VPS13B: variants seen among roughly 807,000 people sequenced by gnomAD.
VPS13B encodes the protein intermembrane lipid transfer protein VPS13B.
VPS13B carries 285 observed loss-of-function variants against 426.4 expected under a neutral mutation model. That is an observed-to-expected ratio of 0.67 (90% confidence interval 0.61 to 0.74). VPS13B has a LOEUF of 0.74. VPS13B is among the 30% of genes least tolerant of loss of function. VPS13B has a pLI of 0.00. For synonymous variants in VPS13B, 1,676 were observed against 1,676.4 expected, an observed-to-expected ratio of 1.00 and a Z score of 0.01; for missense variants, 4,537 against 4,782.6, an observed-to-expected ratio of 0.95 and a Z score of 1.51.
chr8:99,827,633 T>A (rs1195142054), intron 51 of VPS13B, among the ~76,000 whole-genome samples: 1 of 151,810 alleles, frequency 6.6e-6, no homozygotes, highest in Non-Finnish European at 1.5e-5. Flanking sequence ...AGCTTTTGAA[T>A]TTTTTTGCTC....
chr8:99,646,731 G>A (rs1010944300), intron 34 of VPS13B, among the ~76,000 whole-genome samples: 9 of 152,110 alleles, frequency 5.9e-5, no homozygotes, highest in African/African-American at 2.2e-4. Context: ...GAATGGTTTA[G>A]TACCATCCTT....
intron 15 of VPS13B, among the ~76,000 whole-genome samples, chr8:99,164,864 C>T (rs1190123804): frequency 6.6e-6 from 1 of 152,092 alleles, no homozygotes; most frequent in Admixed American, 6.6e-5. Context: ...TTGACTTTCT[C>T]TTTCTCTCTT....
chr8:99,815,276 A>G (rs1184642657), intron 44 of VPS13B, among the ~76,000 whole-genome samples: 1 of 152,104 alleles, frequency 6.6e-6, no homozygotes, highest in African/African-American at 2.4e-5. Context: ...TACAAAGGCC[A>G]GAGAACCAGG....
intron 43 of VPS13B, among the ~76,000 whole-genome samples, chr8:99,791,813 T>G (rs1689184501): frequency 6.6e-6 from 1 of 151,882 alleles, no homozygotes; most frequent in Non-Finnish European, 1.5e-5. Flanking sequence ...AGCAAGTAAT[T>G]TGCAGGATGA....
intron 19 of VPS13B, among the ~76,000 whole-genome samples, chr8:99,339,449 C>T (rs1232410444): frequency 6.6e-6 from 1 of 152,042 alleles, no homozygotes; most frequent in East Asian, 1.9e-4. Context: ...CATGAGAACT[C>T]ACTCATTATC....
chr8:99,840,718 C>A (rs1259313126), intron 54 of VPS13B, among the ~76,000 whole-genome samples: 1 of 151,942 alleles, frequency 6.6e-6, no homozygotes, highest in Non-Finnish European at 1.5e-5. Context: ...CTTGATGAAC[C>A]AGGACTCAAA....
intron 31 of VPS13B, among the ~76,000 whole-genome samples, chr8:99,561,856 T>G (rs1265901948): frequency 6.6e-6 from 1 of 152,244 alleles, no homozygotes; most frequent in Non-Finnish European, 1.5e-5. Context: ...TTCTGCTTTT[T>G]GGCTACTGTG....
rs1173588514 is a variant in VPS13B at position 99,853,435 on chromosome 8, T to G, written c.10062-16T>G. 1 of 1,613,806 alleles carries G rather than the reference T, an allele frequency of 6.2e-7. No homozygotes were observed. The highest frequency in any genetic ancestry group is 1.3e-5 in the African/African-American group (1 of 74,916). ...GTGAGTGGGGGGACTAATGTTCTTG[T>G]CCCTTTCTCCTCTAGAGCGCCAGAG... is the stretch of plus-strand genomic sequence containing the variant. On this transcript the variant is annotated splice_polypyrimidine_tract_variant and intron_variant, in intron 55 of 61. Transcript: ENST00000357162.
intron 33 of VPS13B, among the ~76,000 whole-genome samples, chr8:99,604,495 G>GTTTTTT (rs767971168): frequency 3.5e-5 from 4 of 115,254 alleles, no homozygotes; most frequent in Admixed American, 9.1e-5. Flanking sequence ...TTTCCTTGGT[G>GTTTTTT]TTTTTTTTTT....
intron 30 of VPS13B, among the ~76,000 whole-genome samples, chr8:99,544,104 A>G (rs1823808035): frequency 1.3e-5 from 2 of 151,260 alleles, no homozygotes; most frequent in South Asian, 4.2e-4. Context: ...AAAATGTGGC[A>G]CATATACACC....
At position 99,115,739 on chromosome 8, in the gene VPS13B, GA is replaced by G. The variant is rs1554622622; in HGVS notation, c.803del (p.Asp268ValfsTer10). 4 of 1,613,210 alleles carry G rather than the reference GA, an allele frequency of 2.5e-6. No individual in the cohort carries two copies. Among genetic ancestry groups the G allele is most frequent in the Non-Finnish European group, 3.4e-6 (4 of 1,179,650 alleles). Reference protein sequence around the residue: ...LVESLKLSITDQQLPMFIRIM... With the variant: ...LVESLKLSITXQQLPMFIRIM... The stretch of plus-strand genomic sequence containing the variant: ...GGAAAGTTTGAAACTTTCTATCACA[GA>G]TCAACAACTGCCTATGTTTATTCGT... On this transcript the variant is annotated frameshift_variant, in exon 7 of 62. Coordinates refer to ENST00000357162, the MANE Select transcript of VPS13B (RefSeq NM_152564.5). LOFTEE classifies it high-confidence loss of function.
At position 99,849,928 on chromosome 8, in the gene VPS13B, C is replaced by T. The variant is rs901101752; in HGVS notation, c.10061+1034C>T. ...TTATCTGTACATACATACATAAGTA[C>T]GCATGTATGTACTTATACATACCTA... On this transcript the variant is annotated intron_variant, in intron 55 of 61. Coordinates refer to ENST00000357162, the MANE Select transcript of VPS13B (RefSeq NM_152564.5). Among the ~76,000 whole-genome samples, 17 of 143,582 alleles carry T rather than the reference C, an allele frequency of 1.2e-4. 1 individual carries two copies. Among genetic ancestry groups the T allele is most frequent in the African/African-American group, 3.6e-4 (13 of 35,968 alleles). The allele number at this position is 143,582 out of a possible 152,430, so 94.2% of individuals were successfully genotyped here.
intron 2 of VPS13B, among the ~76,000 whole-genome samples, chr8:99,019,495 T>A (rs1841784616): frequency 6.6e-6 from 1 of 152,154 alleles, no homozygotes; most frequent in Non-Finnish European, 1.5e-5. Flanking sequence ...CCATCGTGCC[T>A]GGCCCATTTT....
chr8:99,378,855 T>C (rs998795986), intron 19 of VPS13B, among the ~76,000 whole-genome samples: 1 of 152,166 alleles, frequency 6.6e-6, no homozygotes, highest in African/African-American at 2.4e-5. Flanking sequence ...TTTATGGGTG[T>C]CACATAACAA....
At position 99,835,621 on chromosome 8, in the gene VPS13B, T is replaced by C; in HGVS notation, c.9825T>C (p.Ser3275=). 6.2e-7 allele frequency: 1 copy of C among 1,614,168 alleles called. No individual in the cohort carries two copies. Among genetic ancestry groups the C allele is most frequent in the Non-Finnish European group, 8.5e-7 (1 of 1,180,024 alleles). Residue 3275 remains serine, a synonymous_variant, in exon 54 of 62, where the codon AGT becomes AGC. Transcript: ENST00000357162. ...ATGAGCTGTATCATCAGATTTCCAG[T>C]TATCCGGACTGCAAGACCAAAGACT... ...IHHELYHQIS[S]YPDCKTKDLL...
intron 33 of VPS13B, among the ~76,000 whole-genome samples, chr8:99,623,501 T>C (rs1334032329): frequency 6.6e-6 from 1 of 152,216 alleles, no homozygotes; most frequent in Non-Finnish European, 1.5e-5. Context: ...TACTGGTATC[T>C]ACCCAGTGCC....
chr8:99,217,660 C>T (rs1815462374), intron 17 of VPS13B, among the ~76,000 whole-genome samples: 1 of 152,084 alleles, frequency 6.6e-6, no homozygotes, highest in Non-Finnish European at 1.5e-5. Context: ...CGTATATGAA[C>T]CTCACTAAGC....
intron 34 of VPS13B, among the ~76,000 whole-genome samples, chr8:99,643,094 T>G (rs2133933642): frequency 6.6e-6 from 1 of 152,286 alleles, no homozygotes; most frequent in Non-Finnish European, 1.5e-5. Context: ...CGAAGCTTTT[T>G]GCCTGTTGAG....
chr8:99,511,081 G>T (rs917864452), intron 28 of VPS13B, 23 bp from the exon 29 acceptor site: 2 of 1,609,826 alleles, frequency 1.2e-6, no homozygotes, highest in Non-Finnish European at 8.5e-7. Context: ...ACTGTGTATT[G>T]TGATTTCCTT....
Sources: allele counts gnomAD v4.1 joint callset (sites outside exome capture counted in the v4.1 genomes callset), GRCh38; gene constraint gnomAD v4.1.1; transcripts MANE v1.5; gene names NCBI Gene and HGNC (gene_info 2026-07-23, HGNC 2026-07-21).